The following PHACTR2 variants were observed in gnomAD, a reference collection of about 807,000 sequenced individuals.
The protein encoded by PHACTR2 is phosphatase and actin regulator 2.
PHACTR2 carries 30 observed loss-of-function variants against 76.0 expected under a neutral mutation model. The observed-to-expected ratio is 0.39, with a 90% CI of 0.30 to 0.54. The LOEUF (loss-of-function observed/expected upper bound fraction) is 0.54, where lower values mean the gene tolerates loss of function less well. PHACTR2 is among the 20% of genes least tolerant of loss of function. The pLI is 0.61. For synonymous variants in PHACTR2, 292 were observed against 292.5 expected, an observed-to-expected ratio of 1.00 and a Z score of 0.02; for missense variants, 696 against 781.1, an observed-to-expected ratio of 0.89 and a Z score of 1.30.
In PHACTR2 at chr6:143,760,455, C is replaced by T. The variant is rs1427671322; in HGVS notation, c.509C>T (p.Ala170Val). 21 of 1,613,516 alleles carry T rather than the reference C, an allele frequency of 1.3e-5. No individual in the cohort carries two copies. The highest frequency in any genetic ancestry group is 1.5e-5 in the Non-Finnish European group (18 of 1,179,618). The part of the protein sequence containing the change: ...TPAAPALPPS[A>V]PPKPRPKPKP... Reference sequence around the variant, plus strand: ...GCAGCTCCTGCTCTACCTCCTTCTGCTCCTCCTAAGCCTAGACCCAAACCT... The same window carrying T: ...GCAGCTCCTGCTCTACCTCCTTCTGTTCCTCCTAAGCCTAGACCCAAACCT... The change falls in exon 5 of 13, where the codon GCT becomes GTT. Residue 170 changes from alanine (A) to valine (V), a missense_variant. Coordinates refer to ENST00000440869, the MANE Select transcript of PHACTR2 (RefSeq NM_001100164.2). This position sits in a 1 kb window ranked among gnomAD's most constrained non-coding sequence, Gnocchi z 6.4.
chr6:143,655,625 A>G (rs536224803), intron 1 of PHACTR2, among the ~76,000 whole-genome samples: 1 of 152,260 alleles, frequency 6.6e-6, no homozygotes, highest in Non-Finnish European at 1.5e-5. Context: ...AAACATCCAA[A>G]GCAAAGATTT....
intron 2 of PHACTR2, among the ~76,000 whole-genome samples, chr6:143,715,991 A>G (rs762840635): frequency 6.6e-5 from 10 of 152,282 alleles, no homozygotes; most frequent in Middle Eastern, 3.4e-3. Flanking sequence ...GTAGCTAGCT[A>G]TAGAAATCTG....
In PHACTR2 at chr6:143,592,307, G is replaced by A. The variant is rs948403029; in HGVS notation, c.217+55100G>A. 3.9e-5 allele frequency among the ~76,000 whole-genome samples: 6 copies of A among 152,200 alleles called. No homozygotes were observed. The highest frequency in any genetic ancestry group is 8.8e-5 in the Non-Finnish European group (6 of 68,030). On this transcript the variant is annotated intron_variant, in intron 1 of 11. Coordinates refer to the PHACTR2 transcript ENST00000367584. This position sits in a 1 kb window ranked among gnomAD's most constrained non-coding sequence, Gnocchi z 4.0. ...CAGGCTTGGATAACACCAATGGTAA[G>A]ATGAACCATCCTCTCCATCCAGATC... is the stretch of plus-strand genomic sequence containing the variant.
rs565526987 is a variant in PHACTR2 at position 143,803,388 on chromosome 6, G to T, written c.1846-3669G>T. Among the ~76,000 whole-genome samples the T allele has an allele frequency of 6.6e-6, 1 of 152,050 alleles. No homozygotes were observed. The highest frequency in any genetic ancestry group is 2.1e-4 in the South Asian group (1 of 4,822). ...CATTGCGAAATCCATCTCCACAAAA[G>T]ATACAAAAAATTAGCCAGGCATGAT... On this transcript the variant is annotated intron_variant, in intron 11 of 12. Transcript: ENST00000440869. The surrounding 1 kb of genome is among the most constrained non-coding windows in gnomAD (Gnocchi z 4.7).
rs2128427798 is a variant in PHACTR2, at chr6:143,554,217, C to T, written c.217+17010C>T. ...TTCTCAGGAAGGGACAGTAACTAGCCAATTGATGGAGATTTTAACATTACG... is the reference window on the plus strand; with the variant it reads ...TTCTCAGGAAGGGACAGTAACTAGCTAATTGATGGAGATTTTAACATTACG... On this transcript the variant is annotated intron_variant, in intron 1 of 11. Coordinates refer to the PHACTR2 transcript ENST00000367584. This position sits in a 1 kb window ranked among gnomAD's most constrained non-coding sequence, Gnocchi z 5.9. 1 of 152,192 alleles carries T rather than the reference C, an allele frequency of 6.6e-6. No individual in the cohort carries two copies. The highest frequency in any genetic ancestry group is 2.4e-5 in the African/African-American group (1 of 41,536). 9.4% of individuals were successfully genotyped at this position (152,192 alleles called of 1,614,324 possible).
At chr6:143,727,323 T>C (rs1778594590) in intron 2 of PHACTR2, among the ~76,000 whole-genome samples, 1 of 152,180 alleles carries the variant, frequency 6.6e-6, no homozygotes, top group African/African-American at 2.4e-5. Flanking sequence ...CATTCCATTG[T>C]GTGTACATAA....
chr6:143,746,056 A>C (rs1204948236), intron 2 of PHACTR2, among the ~76,000 whole-genome samples: 1 of 152,220 alleles, frequency 6.6e-6, no homozygotes, highest in Non-Finnish European at 1.5e-5. Context: ...AGAATAAGAA[A>C]CCTGGTATGT....
intron 11 of PHACTR2, among the ~76,000 whole-genome samples, chr6:143,798,476 C>T (rs13194541): frequency 0.12 from 17,620 of 152,142 alleles, 1,349 homozygotes; most frequent in East Asian, 0.3. Context: ...TGTCTTGTGC[C>T]GGTTTTCAAA....
At position 143,654,594 on chromosome 6, in the gene PHACTR2, C is replaced by T. The variant is rs567559137; in HGVS notation, c.13+46272C>T. Among the ~76,000 whole-genome samples the T allele has an allele frequency of 2.6e-5, 4 of 152,130 alleles. No homozygotes were observed. The East Asian group carries it at 7.7e-4, about 29-fold the overall frequency. On this transcript the variant is annotated intron_variant, in intron 1 of 11. Coordinates refer to the PHACTR2 transcript ENST00000305766. The surrounding 1 kb of genome is among the most constrained non-coding windows in gnomAD (Gnocchi z 4.6). The stretch of plus-strand genomic sequence containing the variant: ...CTGAGGTGGGAGGATCACTCGAGGC[C>T]TGGAGTTCAAGACCAGCCTGAGCAA...
chr6:143,693,037 C>T (rs1263083917), intron 1 of PHACTR2, among the ~76,000 whole-genome samples: 1 of 152,174 alleles, frequency 6.6e-6, no homozygotes. Context: ...CCACACACAT[C>T]TGTGCTCAAA....
At chr6:143,798,402 C>A (rs1775874895) in intron 11 of PHACTR2, among the ~76,000 whole-genome samples, 1 of 152,152 alleles carries the variant, frequency 6.6e-6, no homozygotes, top group African/African-American at 2.4e-5. Flanking sequence ...CTTTCTCTTG[C>A]CTGATTGCCC....
intron 1 of PHACTR2, among the ~76,000 whole-genome samples, chr6:143,637,766 G>C (rs1330045713): frequency 2.6e-5 from 4 of 152,240 alleles, no homozygotes; most frequent in Non-Finnish European, 1.5e-5. Context: ...AGGCTCTAAT[G>C]CAAATCTGCT....
chr6:143,814,595 C>CTTTTTTTTTT (rs61652528), intron 12 of PHACTR2, among the ~76,000 whole-genome samples: 3 of 108,418 alleles, frequency 2.8e-5, no homozygotes, highest in African/African-American at 1.1e-4. Context: ...GACATACACA[C>CTTTTTTTTTT]TTTTTTTTTT....
Position 143,589,611 on chromosome 6 carries a change from G to A in PHACTR2, c.217+52404G>A, listed in dbSNP as rs181608112. 2.3e-3 allele frequency among the ~76,000 whole-genome samples: 345 copies of A among 152,254 alleles called. 1 individual carries two copies. The highest frequency in any genetic ancestry group is 7.8e-3 in the African/African-American group (326 of 41,532). On this transcript the variant is annotated intron_variant, in intron 1 of 11. Coordinates refer to the PHACTR2 transcript ENST00000367584. This position sits in a 1 kb window ranked among gnomAD's most constrained non-coding sequence, Gnocchi z 4.4. ...TTTTCTCTGTGTGTTCACTTCCGGT[G>A]TCTCTGTGTCCAAATTTCCTCTTCT...
At position 143,776,606 on chromosome 6, in the gene PHACTR2, G is replaced by A. The variant is rs1775277581; in HGVS notation, c.1590-722G>A. Among the ~76,000 whole-genome samples, 1 of 152,080 alleles carries A rather than the reference G, an allele frequency of 6.6e-6. No individual in the cohort carries two copies. Among genetic ancestry groups the A allele is most frequent in the African/African-American group, 2.4e-5 (1 of 41,408 alleles). Reference sequence around the variant, plus strand: ...ACTGTGTAATGGGGGTCAGTGAGCAGCCTCAGCCATGATCTGTAGGCCCAC... The same window carrying A: ...ACTGTGTAATGGGGGTCAGTGAGCAACCTCAGCCATGATCTGTAGGCCCAC... On this transcript the variant is annotated intron_variant, in intron 8 of 12. Coordinates refer to ENST00000440869, the MANE Select transcript of PHACTR2 (RefSeq NM_001100164.2). This position sits in a 1 kb window ranked among gnomAD's most constrained non-coding sequence, Gnocchi z 5.3.
intron 1 of PHACTR2, among the ~76,000 whole-genome samples, chr6:143,593,928 C>T (rs958542048): frequency 5.3e-5 from 8 of 152,188 alleles, no homozygotes; most frequent in African/African-American, 1.9e-4. Flanking sequence ...TCTCTGCTGT[C>T]CCTACTGTGG....
rs1397869289 is a variant in PHACTR2 at position 143,748,988 on chromosome 6, TAGAA to T, written c.221_224del (p.Glu74GlyfsTer12). 2.0e-6 allele frequency: 3 copies of T among 1,516,014 alleles called. No individual in the cohort carries two copies. Among genetic ancestry groups the T allele is most frequent in the African/African-American group, 1.4e-5 (1 of 72,814 alleles). 93.9% of individuals were successfully genotyped at this position (1,516,014 alleles called of 1,614,324 possible). On this transcript the variant is annotated frameshift_variant, in exon 3 of 13. Transcript: ENST00000440869. LOFTEE classifies it high-confidence loss of function. ...TTGTGCTTGTTCTTTTTAAAAGTAT[TAGAA>T]AGGAAGATATCCACACGACAAAGTA...
In PHACTR2 at chr6:143,793,362, G is replaced by T. The variant is rs1180349270; in HGVS notation, c.1845+4452G>T. ...TACATGACCAGGTTTTCTGCCACAG[G>T]CTTTGTTTCTGTTCATGAGTGCTTT... On this transcript the variant is annotated intron_variant, in intron 11 of 12. Transcript: ENST00000440869. The surrounding 1 kb of genome is among the most constrained non-coding windows in gnomAD (Gnocchi z 4.4). 6.6e-6 allele frequency among the ~76,000 whole-genome samples: 1 copy of T among 151,962 alleles called. No individual in the cohort carries two copies.
At position 143,791,805 on chromosome 6, in the gene PHACTR2, A is replaced by G. The variant is rs368194075; in HGVS notation, c.1845+2895A>G. 7.2e-5 allele frequency among the ~76,000 whole-genome samples: 11 copies of G among 152,108 alleles called. No individual in the cohort carries two copies. Among genetic ancestry groups the G allele is most frequent in the African/African-American group, 1.7e-4 (7 of 41,414 alleles). ...TACATTTTCTTGATGAAACTTTGTT[A>G]TATTTAAAAATATAATTTTTAAACT... On this transcript the variant is annotated intron_variant, in intron 11 of 12. Coordinates refer to ENST00000440869, the MANE Select transcript of PHACTR2 (RefSeq NM_001100164.2). This position sits in a 1 kb window ranked among gnomAD's most constrained non-coding sequence, Gnocchi z 4.7.
Sources: gnomAD v4.1 joint callset for allele counts (sites outside exome capture counted in the v4.1 genomes callset) on GRCh38, gnomAD v4.1.1 for gene constraint, Gnocchi (gnomAD v3.1) non-coding constraint, MANE v1.5 for transcripts, NCBI Gene and HGNC (gene_info 2026-07-23, HGNC 2026-07-21) for gene names.